The following EPC2 variants were observed in gnomAD, a reference collection of about 807,000 sequenced individuals.
The protein encoded by EPC2 is enhancer of polycomb 2.
In EPC2, 14 loss-of-function variants were observed where a neutral mutation model predicts 92.1. The observed-to-expected ratio is 0.15, with a 90% CI of 0.10 to 0.24. The LOEUF (loss-of-function observed/expected upper bound fraction) is 0.24, where lower values mean the gene tolerates loss of function less well. Among genes scored for constraint, EPC2 ranks in the 10% least tolerant of loss-of-function variants. The pLI, the probability that EPC2 is intolerant of heterozygous loss-of-function variation, is 1.00. For missense variants in EPC2, 755 were observed against 971.5 expected, an observed-to-expected ratio of 0.78 and a Z score of 2.96; for synonymous variants, 340 against 334.7, an observed-to-expected ratio of 1.02 and a Z score of -0.17.
intron 3 of EPC2, among the ~76,000 whole-genome samples, chr2:148,744,489 T>A (rs1682941789): frequency 6.6e-6 from 1 of 152,084 alleles, no homozygotes; most frequent in African/African-American, 2.4e-5. Flanking sequence ...AAATTGTACA[T>A]TATATAATAT....
chr2:148,645,204 C>G (rs1344249706), intron 1 of EPC2, 34 bp downstream of exon 1: 5 of 1,502,422 alleles, frequency 3.3e-6, no homozygotes, highest in Middle Eastern at 1.8e-4. Flanking sequence ...CCCCCCTTCC[C>G]TCCTCCCCCC....
In EPC2 at chr2:148,770,789, C is replaced by T; in HGVS notation, c.1231-3C>T. 6.3e-7 allele frequency: 1 copy of T among 1,589,994 alleles called. No homozygotes were observed. Among genetic ancestry groups the T allele is most frequent in the Non-Finnish European group, 8.5e-7 (1 of 1,173,724 alleles). On this transcript the variant is annotated splice_region_variant and splice_polypyrimidine_tract_variant and intron_variant, in intron 8 of 13. Coordinates refer to ENST00000258484, the MANE Select transcript of EPC2 (RefSeq NM_015630.4). ...TTGTTTTTTGTTTTTTCTTTCTTTG[C>T]AGCCTCGTTTGGACCAAGCTAACCA... is the stretch of plus-strand genomic sequence containing the variant.
chr2:148,655,935 A>G (rs1391976528), intron 1 of EPC2, among the ~76,000 whole-genome samples: 2 of 150,714 alleles, frequency 1.3e-5, no homozygotes. Context: ...GCACAAAAGC[A>G]TATACATAAA....
chr2:148,697,533 A>G (rs1681776769), intron 2 of EPC2, among the ~76,000 whole-genome samples: 1 of 152,170 alleles, frequency 6.6e-6, no homozygotes, highest in Non-Finnish European at 1.5e-5. Flanking sequence ...TTCATATTTT[A>G]CTGTATTGCC....
chr2:148,744,379 AT>A (rs200629732), intron 3 of EPC2, among the ~76,000 whole-genome samples: 107 of 152,200 alleles, frequency 7.0e-4, no homozygotes, highest in African/African-American at 2.4e-3. Context: ...AATGTCAGTG[AT>A]TTTTGAGCAA....
At chr2:148,781,575 C>A in intron 10 of EPC2, 69 bp from the exon 11 acceptor site, 2 of 1,400,644 alleles carry the variant, frequency 1.4e-6, no homozygotes, top group South Asian at 1.3e-5. Context: ...AAGTTTATAT[C>A]ATATTCTGCT....
rs775788266 is a variant in EPC2 at position 148,769,184 on chromosome 2, A to C, written c.1174A>C (p.Asn392His). 5.0e-6 allele frequency: 8 copies of C among 1,612,832 alleles called. No homozygotes were observed. In the African/African-American group the frequency reaches 1.1e-4, roughly 22 times the overall value. ...CCCAGTATCAGAACCGGAAGAAGAA[A>C]ATGATCCTGATGGTCCCTGTGCTTT... is the stretch of plus-strand genomic sequence containing the variant. ...LSPVSEPEEE[N>H]DPDGPCAFRR... is the part of the protein sequence containing the mutation. Residue 392 changes from asparagine (N) to histidine (H), a missense_variant, in exon 8 of 14, where the codon AAT (asparagine) becomes CAT (histidine). Physicochemically the swap from Asn to His is moderately conservative, Grantham distance 68. Coordinates refer to ENST00000258484, the MANE Select transcript of EPC2 (RefSeq NM_015630.4).
chr2:148,644,962 C>G lies in EPC2; in HGVS notation c.-56C>G, dbSNP rs1343977053. The stretch of plus-strand genomic sequence containing the variant: ...GAGGAGGCGGCGGGAGTCCTCCCCC[C>G]CTCCCCGCCCGCCCCGCCGCCGCCG... On this transcript the variant is annotated 5_prime_UTR_variant, in exon 1 of 14. Coordinates refer to ENST00000258484, the MANE Select transcript of EPC2 (RefSeq NM_015630.4). The G allele has an allele frequency of 8.7e-5, 128 of 1,469,614 alleles. No individual in the cohort carries two copies. The highest frequency in any genetic ancestry group is 2.4e-4 in the Middle Eastern group (1 of 4,220). The allele number at this position is 1,469,614 out of a possible 1,614,324, so 91.0% of individuals were successfully genotyped here. A position where few individuals can be genotyped will look rare whatever the true frequency, so the allele number is the denominator to read the frequency against.
intron 2 of EPC2, among the ~76,000 whole-genome samples, chr2:148,732,650 G>A (rs1682659037): frequency 6.6e-6 from 1 of 151,896 alleles, no homozygotes; most frequent in African/African-American, 2.4e-5. Flanking sequence ...CAAAGTGCTG[G>A]GATTACAGGC....
At chr2:148,739,766 A>G (rs1682839482) in intron 2 of EPC2, among the ~76,000 whole-genome samples, 1 of 148,146 alleles carries the variant, frequency 6.8e-6, no homozygotes, top group Non-Finnish European at 1.5e-5. Context: ...TTCTTCTAAT[A>G]GTAGTCATGC....
intron 6 of EPC2, among the ~76,000 whole-genome samples, 188 bp downstream of exon 6, chr2:148,762,990 A>G (rs1683331502): frequency 6.6e-6 from 1 of 152,080 alleles, no homozygotes. Context: ...CCTCATAACA[A>G]CCCTTAGAGA....
intron 11 of EPC2, 68 bp from the exon 12 acceptor site, chr2:148,783,529 C>T (rs1683797965): frequency 6.8e-7 from 1 of 1,467,530 alleles, no homozygotes; most frequent in Admixed American, 2.0e-5. Context: ...TTGGGTTTGC[C>T]CCATCCCTTA....
intron 2 of EPC2, among the ~76,000 whole-genome samples, chr2:148,702,572 A>G (rs1232599522): frequency 2.6e-5 from 4 of 152,218 alleles, no homozygotes; most frequent in Non-Finnish European, 5.9e-5. Flanking sequence ...TTTTGGGCAT[A>G]TACCCAGAAG....
chr2:148,704,752 C>A (rs1259352424), intron 2 of EPC2, among the ~76,000 whole-genome samples: 2 of 152,144 alleles, frequency 1.3e-5, no homozygotes, highest in East Asian at 3.9e-4. Flanking sequence ...ACTGGAACAA[C>A]AACAGGGATA....
intron 7 of EPC2, among the ~76,000 whole-genome samples, chr2:148,767,258 C>T (rs938852750): frequency 6.6e-6 from 1 of 150,712 alleles, no homozygotes; most frequent in Admixed American, 6.6e-5. Context: ...AAACTTTTAT[C>T]GGTGGAATCA....
chr2:148,677,573 G>A (rs886861087), intron 1 of EPC2, among the ~76,000 whole-genome samples: 1 of 152,052 alleles, frequency 6.6e-6, no homozygotes, highest in Non-Finnish European at 1.5e-5. Context: ...CTACTTGAGA[G>A]GCTAAGGCAG....
chr2:148,688,838 T>C (rs1006535687), intron 1 of EPC2, among the ~76,000 whole-genome samples: 21 of 152,136 alleles, frequency 1.4e-4, no homozygotes, highest in Non-Finnish European at 1.3e-4. Flanking sequence ...CAAGCAAAAA[T>C]CATTGCCTCC....
chr2:148,677,564 T>G (rs2105364321), intron 1 of EPC2, among the ~76,000 whole-genome samples: 1 of 152,200 alleles, frequency 6.6e-6, no homozygotes, highest in East Asian at 1.9e-4. Flanking sequence ...TATTCCCAGC[T>G]ACTTGAGAGG....
intron 11 of EPC2, among the ~76,000 whole-genome samples, chr2:148,782,275 G>A (rs1000724483): frequency 6.6e-6 from 1 of 152,110 alleles, no homozygotes; most frequent in Non-Finnish European, 1.5e-5. Context: ...GGTGGCTCAT[G>A]CCTGTAATCC....
Sources: gnomAD v4.1 joint callset for allele counts (sites outside exome capture counted in the v4.1 genomes callset) on GRCh38, gnomAD v4.1.1 for gene constraint, MANE v1.5 for transcripts, NCBI Gene and HGNC (gene_info 2026-07-23, HGNC 2026-07-21) for gene names.